PTPRQ: variants seen among roughly 807,000 people sequenced by gnomAD.
The protein encoded by PTPRQ is protein tyrosine phosphatase receptor type Q.
PTPRQ carries 199 observed loss-of-function variants against 246.0 expected under a neutral mutation model. That is an observed-to-expected ratio of 0.81 (90% CI 0.72 to 0.91). The LOEUF is 0.91. Ranked by LOEUF, PTPRQ falls within the 40% of genes least tolerant of loss-of-function variation. The pLI is 0.00. For synonymous variants in PTPRQ, 869 were observed against 853.2 expected, an observed-to-expected ratio of 1.02 and a Z score of -0.32; for missense variants, 2,624 against 2,528.4, an observed-to-expected ratio of 1.04 and a Z score of -0.81.
chr12:80,494,530 TCC>T (rs1894549047), intron 10 of PTPRQ, among the ~76,000 whole-genome samples: 1 of 151,980 alleles, frequency 6.6e-6, no homozygotes, highest in South Asian at 2.1e-4. Context: ...TTCTACTAAA[TCC>T]TGGTATTGAT....
chr12:80,456,729 G>T (rs998863393), intron 3 of PTPRQ, among the ~76,000 whole-genome samples: 1 of 152,114 alleles, frequency 6.6e-6, no homozygotes, highest in African/African-American at 2.4e-5. Context: ...AGCCATTGCA[G>T]AATTCCAAAG....
intron 36 of PTPRQ, among the ~76,000 whole-genome samples, chr12:80,649,288 C>A (rs1242678503): frequency 1.3e-5 from 2 of 152,042 alleles, no homozygotes; most frequent in South Asian, 4.2e-4. Context: ...CTTTAGGAGT[C>A]AATGATAACT....
intron 14 of PTPRQ, among the ~76,000 whole-genome samples, chr12:80,497,367 C>T (rs566109805): frequency 4.3e-4 from 66 of 151,974 alleles, no homozygotes; most frequent in African/African-American, 1.6e-3. Context: ...ATAGAGTTTG[C>T]GCTCCAATGA....
chr12:80,556,641 T>C (rs1896654661), intron 25 of PTPRQ, among the ~76,000 whole-genome samples: 1 of 152,190 alleles, frequency 6.6e-6, no homozygotes. Context: ...TCAAAGAACA[T>C]TCCTCTTTTA....
At chr12:80,612,656 G>C (rs530187266) in intron 28 of PTPRQ, among the ~76,000 whole-genome samples, 6 of 150,288 alleles carry the variant, frequency 4.0e-5, no homozygotes, top group Non-Finnish European at 7.5e-5. Flanking sequence ...TGAAATTACT[G>C]TGTGACCCAG....
intron 5 of PTPRQ, 138 bp from the exon 6 acceptor site, chr12:80,460,515 G>T (rs546261858): frequency 1.5e-4 from 58 of 391,888 alleles, no homozygotes; most frequent in Non-Finnish European, 2.4e-4. Flanking sequence ...TTAAAATCTA[G>T]CAAATTTGTC....
chr12:80,492,872 A>T (rs1345691610), intron 9 of PTPRQ, among the ~76,000 whole-genome samples: 2 of 152,026 alleles, frequency 1.3e-5, no homozygotes, highest in African/African-American at 4.8e-5. Context: ...ACAAATGAGG[A>T]CAGGTAATTA....
intron 25 of PTPRQ, among the ~76,000 whole-genome samples, chr12:80,550,586 C>G (rs1469709635): frequency 1.3e-5 from 2 of 152,138 alleles, no homozygotes; most frequent in African/African-American, 2.4e-5. Context: ...ACAACACCAT[C>G]TCTTTGCTCC....
At chr12:80,581,637 GA>G (rs556674247) in intron 25 of PTPRQ, among the ~76,000 whole-genome samples, 24 of 148,252 alleles carry the variant, frequency 1.6e-4, no homozygotes, top group East Asian at 8.0e-4. Context: ...TCTGTCTCAA[GA>G]AAAAAAAAGT....
chr12:80,527,464 T>C (rs1395008916), intron 17 of PTPRQ, among the ~76,000 whole-genome samples: 1 of 152,070 alleles, frequency 6.6e-6, no homozygotes, highest in Non-Finnish European at 1.5e-5. Context: ...AATTGATAAG[T>C]TCTCAAGCAG....
chr12:80,549,407 CAATT>C, intron 24 of PTPRQ, 54 bp from the exon 25 acceptor site: 7 of 1,451,846 alleles, frequency 4.8e-6, no homozygotes, highest in Non-Finnish European at 6.4e-6. Flanking sequence ...GTAATTCAAT[CAATT>C]ATCTACTTAC....
chr12:80,483,225 A>G (rs1053541283), intron 8 of PTPRQ, among the ~76,000 whole-genome samples: 2 of 131,598 alleles, frequency 1.5e-5, no homozygotes, highest in Middle Eastern at 3.6e-3. Flanking sequence ...TGTCCTTTGT[A>G]GGGACATGGA....
At chr12:80,553,692 C>G (rs1896554085) in intron 25 of PTPRQ, among the ~76,000 whole-genome samples, 1 of 152,114 alleles carries the variant, frequency 6.6e-6, no homozygotes, top group Non-Finnish European at 1.5e-5. Context: ...GGTGTCTAAG[C>G]TGGTTCCCTT....
intron 35 of PTPRQ, among the ~76,000 whole-genome samples, chr12:80,642,936 A>AACAAAAC (rs1565837020): frequency 2.7e-5 from 4 of 148,266 alleles, no homozygotes; most frequent in African/African-American, 1.0e-4. Flanking sequence ...AAAAAAAAAA[A>AACAAAAC]AAAAAAAAAA....
chr12:80,596,828 G>A (rs1897985000), intron 26 of PTPRQ, among the ~76,000 whole-genome samples: 1 of 151,974 alleles, frequency 6.6e-6, no homozygotes, highest in South Asian at 2.1e-4. Flanking sequence ...TGGTGTCTTG[G>A]TCACTTTTTG....
At chr12:80,452,396 A>T (rs575046728) in intron 3 of PTPRQ, among the ~76,000 whole-genome samples, 3 of 152,288 alleles carry the variant, frequency 2.0e-5, no homozygotes, top group Admixed American at 2.0e-4. Flanking sequence ...TGTGAATTTG[A>T]TCCTGTCATT....
At chr12:80,652,698 G>C in intron 37 of PTPRQ, 46 bp from the exon 38 acceptor site, 1 of 1,448,492 alleles carries the variant, frequency 6.9e-7, no homozygotes, top group Non-Finnish European at 9.0e-7. Flanking sequence ...GAAATTTCTT[G>C]TTTACCTCTG....
chr12:80,539,349 C>A (rs1406167), intron 19 of PTPRQ, among the ~76,000 whole-genome samples: 1 of 151,816 alleles, frequency 6.6e-6, no homozygotes. Flanking sequence ...CAAACACATT[C>A]GAAATTCCTT....
chr12:80,676,362 A>C (rs1479637950), intron 43 of PTPRQ, among the ~76,000 whole-genome samples: 1 of 152,102 alleles, frequency 6.6e-6, no homozygotes, highest in Non-Finnish European at 1.5e-5. Flanking sequence ...TGCACTGGGC[A>C]CTGGGTGCGG....
Sources: gnomAD v4.1 joint callset for allele counts (sites outside exome capture counted in the v4.1 genomes callset) on GRCh38, gnomAD v4.1.1 for gene constraint, MANE v1.5 for transcripts, NCBI Gene and HGNC (gene_info 2026-07-23, HGNC 2026-07-21) for gene names.